The following ATP9A variants were observed in gnomAD, a reference collection of about 807,000 sequenced individuals.
The protein encoded by ATP9A is probable phospholipid-transporting ATPase IIA.
Under a neutral mutation model 144.1 loss-of-function variants are expected in ATP9A, and 52 were observed. The observed-to-expected ratio is 0.36, with a 90% CI of 0.29 to 0.45. ATP9A has a LOEUF of 0.45. ATP9A is among the 20% of genes least tolerant of loss of function. ATP9A has a pLI of 1.00. For synonymous variants in ATP9A, 582 were observed against 557.4 expected (o/e 1.04, Z -0.62); for missense variants, 947 against 1,392.7 (o/e 0.68, Z 5.09).
At chr20:51,711,253 G>A (rs150941173) in intron 4 of ATP9A, among the ~76,000 whole-genome samples, 179 of 152,138 alleles carry the variant, frequency 1.2e-3, no homozygotes, top group African/African-American at 4.1e-3. Context: ...CACCAACCAC[G>A]ACAATGTATT....
intron 9 of ATP9A, among the ~76,000 whole-genome samples, chr20:51,687,906 GAA>G (rs1282033886): frequency 1.3e-5 from 2 of 152,198 alleles, no homozygotes; most frequent in African/African-American, 4.8e-5. Context: ...AGTAAAGACA[GAA>G]AGTCACCAGC....
intron 2 of ATP9A, among the ~76,000 whole-genome samples, chr20:51,726,889 C>CTTTTTT (rs55719132): frequency 4.3e-5 from 4 of 93,984 alleles, no homozygotes; most frequent in Non-Finnish European, 4.1e-5. Context: ...TGTGTTATTT[C>CTTTTTT]TTTTTTTTTT....
At position 51,597,053 on chromosome 20, in the gene ATP9A, A is replaced by G. The variant is rs1225928593; in HGVS notation, c.*4158T>C. 1 of 152,158 alleles carries G rather than the reference A, an allele frequency of 6.6e-6. No individual in the cohort carries two copies. Among genetic ancestry groups the G allele is most frequent in the African/African-American group, 2.4e-5 (1 of 41,434 alleles). 9.4% of individuals were successfully genotyped at this position (152,158 alleles called of 1,614,324 possible). On this transcript the variant is annotated 3_prime_UTR_variant, in exon 28 of 28. Coordinates refer to ENST00000338821, the MANE Select transcript of ATP9A (RefSeq NM_006045.3). ...CTTACATGAGTTTACAGTTAACCCC[A>G]CTGCAACAAAATAATAAATTAGCCA...
intron 13 of ATP9A, among the ~76,000 whole-genome samples, chr20:51,668,021 A>T (rs1256613189): frequency 1.4e-5 from 2 of 139,060 alleles, no homozygotes; most frequent in Non-Finnish European, 3.1e-5. Context: ...GTGAGCTGTG[A>T]TTGCACCACT....
At position 51,653,160 on chromosome 20, in the gene ATP9A, C is replaced by A. The variant is rs1328945339; in HGVS notation, c.1506+3778G>T. Among the ~76,000 whole-genome samples the A allele has an allele frequency of 2.1e-5, 3 of 143,908 alleles. No individual in the cohort carries two copies. The Admixed American group carries it at 2.2e-4, about 11-fold the overall frequency. 94.4% of individuals were successfully genotyped at this position (143,908 alleles called of 152,430 possible). A position where few individuals can be genotyped will look rare whatever the true frequency, so the allele number is the denominator to read the frequency against. ...AGGTAACACTGGCCTCTGAAGACAC[C>A]AAAGGCCAAAGGAAAGTAGTTCTTT... On this transcript the variant is annotated intron_variant, in intron 14 of 27. Transcript: ENST00000338821.
chr20:51,711,907 G>C (rs1232196554), intron 4 of ATP9A, among the ~76,000 whole-genome samples: 1 of 145,618 alleles, frequency 6.9e-6, no homozygotes, highest in East Asian at 2.0e-4. Context: ...CCAGGCTGGA[G>C]TGCAATGGCG....
At chr20:51,746,950 G>A (rs573915691) in intron 1 of ATP9A, among the ~76,000 whole-genome samples, 10 of 104,404 alleles carry the variant, frequency 9.6e-5, no homozygotes, top group African/African-American at 3.9e-4. Flanking sequence ...AGGTTGCAGT[G>A]AGCCGAGGTA....
At chr20:51,616,288 C>T (rs966112689) in intron 22 of ATP9A, among the ~76,000 whole-genome samples, 8 of 152,194 alleles carry the variant, frequency 5.3e-5, no homozygotes, top group African/African-American at 1.7e-4. Flanking sequence ...CTGCCCCCTC[C>T]GGGCCTTGGC....
At chr20:51,645,039 C>T (rs2077336592) in intron 14 of ATP9A, among the ~76,000 whole-genome samples, 1 of 152,188 alleles carries the variant, frequency 6.6e-6, no homozygotes, top group South Asian at 2.1e-4. Flanking sequence ...TTAGTGGAAA[C>T]GTTGAATAAC....
At chr20:51,650,977 C>CA (rs1186102774) in intron 14 of ATP9A, among the ~76,000 whole-genome samples, 22 of 139,920 alleles carry the variant, frequency 1.6e-4, no homozygotes, top group Non-Finnish European at 3.0e-4. Context: ...ATATGACTTT[C>CA]TTTTTTTTAA....
chr20:51,743,370 G>A lies in ATP9A; in HGVS notation c.69-13392C>T, dbSNP rs550526241. 1.2e-3 allele frequency among the ~76,000 whole-genome samples: 175 copies of A among 151,662 alleles called. 1 individual carries two copies. The highest frequency in any genetic ancestry group is 4.2e-3 in the African/African-American group (173 of 41,292). Reference sequence around the variant, plus strand: ...CCATCCCACATTCCAGACAGGCTGGGGAGATGGGCTGCAAGACCGAAACTG... The same window carrying A: ...CCATCCCACATTCCAGACAGGCTGGAGAGATGGGCTGCAAGACCGAAACTG... On this transcript the variant is annotated intron_variant, in intron 1 of 27. Coordinates refer to ENST00000338821, the MANE Select transcript of ATP9A (RefSeq NM_006045.3).
Position 51,617,620 on chromosome 20 carries a change from G to A in ATP9A, c.2351-66C>T, listed in dbSNP as rs945093956. On this transcript the variant is annotated intron_variant, in intron 21 of 27. Transcript: ENST00000338821. ...TTACCTTAACCAAGAATGTATGCTTGTCTTTACCGCACTCTCGTCTTTCAC... is the reference window on the plus strand; with the variant it reads ...TTACCTTAACCAAGAATGTATGCTTATCTTTACCGCACTCTCGTCTTTCAC... 3.2e-5 allele frequency: 49 copies of A among 1,547,350 alleles called. No homozygotes were observed. The African/African-American group carries it at 6.6e-4, about 21-fold the overall frequency.
intron 3 of ATP9A, 89 bp downstream of exon 3, chr20:51,725,729 TC>T: frequency 1.1e-6 from 1 of 890,838 alleles, no homozygotes; most frequent in Admixed American, 1.9e-5. Context: ...AAGGCCACCA[TC>T]CCATTCCAGA....
At chr20:51,743,045 G>A (rs2077791770) in intron 1 of ATP9A, among the ~76,000 whole-genome samples, 1 of 152,166 alleles carries the variant, frequency 6.6e-6, no homozygotes, top group South Asian at 2.1e-4. Flanking sequence ...CCTTGAGCTT[G>A]GTGGCAAACT....
rs2077260538 is a variant in ATP9A, at chr20:51,628,993, C to T, written c.1748G>A (p.Trp583Ter). The T allele has an allele frequency of 6.2e-7, 1 of 1,613,320 alleles. No individual in the cohort carries two copies. Among genetic ancestry groups the T allele is most frequent in the African/African-American group, 1.3e-5 (1 of 74,922 alleles). ...CATCACACTTACCTCTTCCTCCAACCAGTCATTGTACTGCACAATGCCAGC... is the reference window on the plus strand; with the variant it reads ...CATCACACTTACCTCTTCCTCCAACTAGTCATTGTACTGCACAATGCCAGC... ...VMAGIVQYND[W>*]LEEECGNMAR... The change falls in exon 16 of 28, where the codon TGG becomes TAG. Residue 583 changes from tryptophan (W) to a stop codon, truncating the protein, a stop_gained. Coordinates refer to ENST00000338821, the MANE Select transcript of ATP9A (RefSeq NM_006045.3). LOFTEE classifies it high-confidence loss of function.
chr20:51,624,997 C>T (rs6067852), intron 18 of ATP9A, among the ~76,000 whole-genome samples, 195 bp downstream of exon 18: 73,513 of 135,940 alleles, frequency 0.54, 19,495 homozygotes, highest in African/African-American at 0.67. Context: ...ACAGCGAGAC[C>T]CCGTCTCAAA....
chr20:51,600,883 T>C lies in ATP9A; in HGVS notation c.*328A>G, dbSNP rs1290141319. On this transcript the variant is annotated 3_prime_UTR_variant, in exon 28 of 28. Coordinates refer to ENST00000338821, the MANE Select transcript of ATP9A (RefSeq NM_006045.3). ...ACCTTCAGCTACACAGAAACTTTTA[T>C]CATGTGACAACAAAATTCAAGTCAT... 1 of 207,550 alleles carries C rather than the reference T, an allele frequency of 4.8e-6. No individual in the cohort carries two copies. The highest frequency in any genetic ancestry group is 9.7e-6 in the Non-Finnish European group (1 of 103,402). 12.9% of individuals were successfully genotyped at this position (207,550 alleles called of 1,614,324 possible).
At chr20:51,743,178 C>T (rs906052864) in intron 1 of ATP9A, among the ~76,000 whole-genome samples, 2 of 152,142 alleles carry the variant, frequency 1.3e-5, no homozygotes, top group African/African-American at 2.4e-5. Context: ...CCACACCCTG[C>T]GTGTTGCATG....
intron 16 of ATP9A, 91 bp from the exon 17 acceptor site, chr20:51,627,774 C>A: frequency 1.9e-6 from 2 of 1,042,512 alleles, no homozygotes; most frequent in Admixed American, 1.9e-5. Context: ...TGTGCCCCTC[C>A]CACAGGGTCA....
Sources: allele counts gnomAD v4.1 joint callset (sites outside exome capture counted in the v4.1 genomes callset), GRCh38; gene constraint gnomAD v4.1.1; transcripts MANE v1.5; gene names NCBI Gene and HGNC (gene_info 2026-07-23, HGNC 2026-07-21).